Variants in PIK3R4 observed in about 807,000 individuals in gnomAD.
PIK3R4 encodes phosphoinositide-3-kinase regulatory subunit 4.
In PIK3R4, 46 loss-of-function variants were observed where a neutral mutation model predicts 136.5. The ratio of observed to expected loss-of-function variants is 0.34; its 90% CI spans 0.27 to 0.43. The LOEUF (loss-of-function observed/expected upper bound fraction) is 0.43, where lower values mean the gene tolerates loss of function less well. PIK3R4 is among the 20% of genes least tolerant of loss of function. The pLI, the probability that PIK3R4 is intolerant of heterozygous loss-of-function variation, is 1.00. For missense variants in PIK3R4, 1,331 were observed against 1,649.5 expected (o/e 0.81, Z 3.35); for synonymous variants, 557 against 566.7 (o/e 0.98, Z 0.24).
At chr3:130,681,094 A>AAAAG (rs2066455497) in intron 17 of PIK3R4, 29 bp from the exon 18 acceptor site, 1 of 1,187,550 alleles carries the variant, frequency 8.4e-7, no homozygotes, top group Admixed American at 1.7e-5. Context: ...GGAGTCAAAT[A>AAAAG]AAAGACATCC....
intron 2 of PIK3R4, among the ~76,000 whole-genome samples, chr3:130,741,135 T>A (rs2066821129): frequency 6.6e-6 from 1 of 152,176 alleles, no homozygotes; most frequent in Non-Finnish European, 1.5e-5. Context: ...CTCCATACCT[T>A]AGAATCTAAG....
intron 6 of PIK3R4, among the ~76,000 whole-genome samples, chr3:130,724,653 T>C (rs1051832956): frequency 7.9e-5 from 12 of 152,066 alleles, no homozygotes; most frequent in Admixed American, 2.6e-4. Context: ...GGGGCACTAA[T>C]CTTGTACTGC....
intron 14 of PIK3R4, among the ~76,000 whole-genome samples, chr3:130,687,664 G>T (rs1394548187): frequency 6.6e-6 from 1 of 152,032 alleles, no homozygotes; most frequent in Admixed American, 6.6e-5. Context: ...ATACCACTAT[G>T]GATTCACAGA....
At chr3:130,713,885 G>A (rs2066646077) in intron 9 of PIK3R4, among the ~76,000 whole-genome samples, 1 of 152,140 alleles carries the variant, frequency 6.6e-6, no homozygotes, top group South Asian at 2.1e-4. Flanking sequence ...TGTCAGCTAG[G>A]CTGGTCTCAA....
intron 9 of PIK3R4, among the ~76,000 whole-genome samples, chr3:130,713,797 C>A (rs981680953): frequency 1.3e-5 from 2 of 152,140 alleles, no homozygotes; most frequent in Admixed American, 6.5e-5. Context: ...CTCAGCCTCC[C>A]AAGTAACTGG....
chr3:130,681,117 A>AATGAT, intron 17 of PIK3R4, 52 bp from the exon 18 acceptor site: 2 of 986,210 alleles, frequency 2.0e-6, no homozygotes, highest in South Asian at 2.6e-5. Context: ...GTATTCCATA[A>AATGAT]ATGATAGTGC....
intron 9 of PIK3R4, among the ~76,000 whole-genome samples, chr3:130,711,057 C>T (rs1364885806): frequency 3.3e-5 from 5 of 149,712 alleles, no homozygotes; most frequent in Non-Finnish European, 5.9e-5. Context: ...TTTTTTCTAC[C>T]AAAGATCAAG....
chr3:130,727,060 G>A (rs567645566), intron 6 of PIK3R4, among the ~76,000 whole-genome samples: 1 of 152,130 alleles, frequency 6.6e-6, no homozygotes, highest in Non-Finnish European at 1.5e-5. Context: ...CCGGGAATTT[G>A]AAAGTTTTTC....
rs754022289 is a variant in PIK3R4 at position 130,744,822 on chromosome 3, G to C, written c.397C>G (p.Leu133Val). 8 of 1,614,182 alleles carry C rather than the reference G, an allele frequency of 5.0e-6. No homozygotes were observed. Among genetic ancestry groups the C allele is most frequent in the Middle Eastern group, 1.6e-4 (1 of 6,062 alleles). ...TTGTGTGCTTGGTCCACAGCTGTCA[G>C]GATCTGGAAAGCAATCCAGCGCTTC... ...IEKRWIAFQI[L>V]TAVDQAHKSG... is the part of the protein sequence containing the mutation. Residue 133 changes from leucine to valine, a missense_variant, in exon 2 of 20, where the codon CTG becomes GTG. Leu to Val is a conservative substitution (Grantham distance 32). This residue lies in a region of PIK3R4 where 151 missense variants were observed against 242.5 expected (regional missense o/e 0.62). Coordinates refer to ENST00000356763, the MANE Select transcript of PIK3R4 (RefSeq NM_014602.3).
In PIK3R4 at chr3:130,744,443, G is replaced by T. The variant is rs368784602; in HGVS notation, c.733+43C>A. On this transcript the variant is annotated intron_variant, in intron 2 of 19. Transcript: ENST00000356763. Reference sequence around the variant, plus strand: ...CCACATTTCTGTTTAACAGTTAAAAGAAAAACACATGCTCCCTTAGCAAAT... The same window carrying T: ...CCACATTTCTGTTTAACAGTTAAAATAAAAACACATGCTCCCTTAGCAAAT... 14 of 1,537,932 alleles carry T rather than the reference G, an allele frequency of 9.1e-6. No individual in the cohort carries two copies. The African/African-American group carries it at 1.9e-4, about 21-fold the overall frequency.
rs1553730047 is a variant in PIK3R4, at chr3:130,728,699, A to AAG, written c.1586-16_1586-15insCT. 111 of 1,427,546 alleles carry AAG rather than the reference A, an allele frequency of 7.8e-5. No homozygotes were observed. Among genetic ancestry groups the AAG allele is most frequent in the African/African-American group, 1.3e-4 (9 of 69,208 alleles). The allele number at this position is 1,427,546 out of a possible 1,614,324, so 88.4% of individuals were successfully genotyped here. ...GGCTTGGAGCTCTAAAAAAAAAAAA[A>AAG]AAAGAAAGAAAGAAAGAAAGAAAAG... On this transcript the variant is annotated splice_polypyrimidine_tract_variant and intron_variant, in intron 5 of 19. Transcript: ENST00000356763.
chr3:130,739,057 C>A (rs539090308), intron 2 of PIK3R4, among the ~76,000 whole-genome samples: 1 of 151,970 alleles, frequency 6.6e-6, no homozygotes, highest in Non-Finnish European at 1.5e-5. Flanking sequence ...ATTAGCACAC[C>A]TTTTTTTGTT....
chr3:130,683,560 T>C (rs2066471503), intron 16 of PIK3R4, among the ~76,000 whole-genome samples: 1 of 152,148 alleles, frequency 6.6e-6, no homozygotes, highest in South Asian at 2.1e-4. Context: ...AGTAATAGCC[T>C]TAGAACTTGG....
Position 130,705,628 on chromosome 3 carries a change from G to A in PIK3R4, c.2865C>T (p.Cys955=). The A allele has an allele frequency of 1.2e-6, 2 of 1,613,686 alleles. No homozygotes were observed. Among genetic ancestry groups the A allele is most frequent in the South Asian group, 1.1e-5 (1 of 91,072 alleles). The change falls in exon 12 of 20, where the codon TGC becomes TGT. Residue 955 remains cysteine, a synonymous_variant. Transcript: ENST00000356763. ...TCTGCTTAGCTATTCTCTCAGCATTGCACTGCTCCCGCTTTTGCTGGATGA... is the reference window on the plus strand; with the variant it reads ...TCTGCTTAGCTATTCTCTCAGCATTACACTGCTCCCGCTTTTGCTGGATGA... ...QQLIQQKREQ[C]NAERIAKQMM...
chr3:130,694,187 C>G (rs1424180276), intron 13 of PIK3R4, among the ~76,000 whole-genome samples: 1 of 151,962 alleles, frequency 6.6e-6, no homozygotes, highest in Non-Finnish European at 1.5e-5. Flanking sequence ...AGCTTTGTAG[C>G]AAGTTTTGAA....
chr3:130,730,166 T>TTAA (rs1260163976), intron 5 of PIK3R4, 142 bp downstream of exon 5: 7 of 614,504 alleles, frequency 1.1e-5, no homozygotes, highest in African/African-American at 7.7e-5. Flanking sequence ...AGAGAATAAT[T>TTAA]AGACACCAGG....
intron 2 of PIK3R4, among the ~76,000 whole-genome samples, chr3:130,740,662 G>C (rs907046448): frequency 2.0e-5 from 3 of 152,050 alleles, no homozygotes; most frequent in Non-Finnish European, 2.9e-5. Context: ...CCCAGGAGGT[G>C]GAAGTTGCAA....
At chr3:130,713,269 T>C (rs2066642408) in intron 9 of PIK3R4, among the ~76,000 whole-genome samples, 1 of 152,196 alleles carries the variant, frequency 6.6e-6, no homozygotes, top group African/African-American at 2.4e-5. Flanking sequence ...CCCTAACCTT[T>C]AGGAGTCTCC....
chr3:130,742,673 A>G (rs2066830873), intron 2 of PIK3R4, among the ~76,000 whole-genome samples: 1 of 152,232 alleles, frequency 6.6e-6, no homozygotes, highest in Admixed American at 6.5e-5. Context: ...GATGAAATAC[A>G]TTCATTCATC....
Sources: allele counts gnomAD v4.1 joint callset (sites outside exome capture counted in the v4.1 genomes callset), GRCh38; gene constraint gnomAD v4.1.1; regional missense constraint gnomAD v4.1.1; transcripts MANE v1.5; gene names NCBI Gene and HGNC (gene_info 2026-07-23, HGNC 2026-07-21).